The following CASZ1 variants were observed in gnomAD, a reference collection of about 807,000 sequenced individuals.
The protein encoded by CASZ1 is castor zinc finger 1.
Under a neutral mutation model 135.2 loss-of-function variants are expected in CASZ1, and 28 were observed. The ratio of observed to expected loss-of-function variants is 0.21; its 90% CI spans 0.15 to 0.28. The LOEUF is 0.28. CASZ1 is among the 10% of genes least tolerant of loss of function. CASZ1 has a pLI of 1.00. For missense variants in CASZ1, 2,161 were observed against 2,453.3 expected (o/e 0.88, Z 2.52); for synonymous variants, 1,068 against 1,073.4 (o/e 0.99, Z 0.10).
At position 10,759,605 on chromosome 1, in the gene CASZ1, GC is replaced by G. The variant is rs1640325049; in HGVS notation, c.-77+1095del. ...TGGCCTGGATTCAGGCAGGTCTGCA[GC>G]TTCAGGGACCTACCAAACCCCAGTG... On this transcript the variant is annotated intron_variant, in intron 2 of 20. Coordinates refer to ENST00000377022, the MANE Select transcript of CASZ1 (RefSeq NM_001079843.3). The surrounding 1 kb of genome is among the most constrained non-coding windows in gnomAD (Gnocchi z 4.2). 6.6e-6 allele frequency among the ~76,000 whole-genome samples: 1 copy of G among 152,202 alleles called. No homozygotes were observed. The highest frequency in any genetic ancestry group is 2.1e-4 in the South Asian group (1 of 4,838).
chr1:10,639,005 G>A lies in CASZ1; in HGVS notation c.5217C>T (p.Ala1739=). 1 of 986,970 alleles carries A rather than the reference G, an allele frequency of 1.0e-6. No individual in the cohort carries two copies. The highest frequency in any genetic ancestry group is 1.2e-6 in the Non-Finnish European group (1 of 831,806). 61.1% of individuals were successfully genotyped at this position (986,970 alleles called of 1,614,324 possible). A position where few individuals can be genotyped will look rare whatever the true frequency, so the allele number is the denominator to read the frequency against. Residue 1739 remains alanine (A), a synonymous_variant, in exon 21 of 21, where the codon GCC becomes GCT. Coordinates refer to ENST00000377022, the MANE Select transcript of CASZ1 (RefSeq NM_001079843.3). This position sits in a 1 kb window ranked among gnomAD's most constrained non-coding sequence, Gnocchi z 4.0. ...CGCCCAGGGCCGCCAGCGCCGCCAA[G>A]GCCGGGGTCCGCGCGCCCGCGCCCG... ...EAAGAGARTP[A]LAALAALGAP... is the part of the protein sequence containing the mutation.
At chr1:10,787,101 C>A (rs776911) in intron 1 of CASZ1, among the ~76,000 whole-genome samples, 99,782 of 152,128 alleles carry the variant, frequency 0.66, 33,813 homozygotes, top group Non-Finnish European at 0.75. Flanking sequence ...AGCTAAGAGC[C>A]CAGCCAACCA....
chr1:10,644,800 A>T, intron 18 of CASZ1, 117 bp downstream of exon 18: 2 of 1,077,972 alleles, frequency 1.9e-6, no homozygotes, highest in South Asian at 3.0e-5. Flanking sequence ...CTTTAACAAA[A>T]CGTGGAGCCT....
chr1:10,703,956 G>T (rs1374860544), intron 3 of CASZ1, among the ~76,000 whole-genome samples: 1 of 152,222 alleles, frequency 6.6e-6, no homozygotes, highest in Non-Finnish European at 1.5e-5. Context: ...GGAAGCACTT[G>T]GGGCTGAATT....
intron 4 of CASZ1, among the ~76,000 whole-genome samples, chr1:10,665,838 A>AAATG (rs143666662): frequency 0.079 from 12,012 of 152,200 alleles, 723 homozygotes; most frequent in African/African-American, 0.16. Context: ...GTAAATGAAC[A>AAATG]AATGAATGAA....
intron 4 of CASZ1, among the ~76,000 whole-genome samples, chr1:10,688,661 C>T (rs952688124): frequency 2.6e-5 from 4 of 152,162 alleles, no homozygotes; most frequent in Non-Finnish European, 4.4e-5. Context: ...GCAGGAGAGC[C>T]TCCCATGCCT....
intron 4 of CASZ1, among the ~76,000 whole-genome samples, chr1:10,673,480 C>T (rs901098669): frequency 5.9e-5 from 9 of 152,056 alleles, no homozygotes; most frequent in Non-Finnish European, 7.4e-5. Flanking sequence ...CACACTCTCT[C>T]GCACTCTTGT....
intron 2 of CASZ1, among the ~76,000 whole-genome samples, chr1:10,750,855 T>A (rs900248866): frequency 4.6e-5 from 7 of 152,090 alleles, no homozygotes; most frequent in African/African-American, 1.7e-4. Flanking sequence ...GCCAAGATGG[T>A]GCCACTGCAC....
chr1:10,768,111 T>C (rs1640510476), intron 1 of CASZ1, among the ~76,000 whole-genome samples: 1 of 152,218 alleles, frequency 6.6e-6, no homozygotes. Flanking sequence ...GTGCTTCCCA[T>C]GAGGCAGGCC....
intron 2 of CASZ1, among the ~76,000 whole-genome samples, chr1:10,728,021 G>A (rs1419549523): frequency 1.3e-5 from 2 of 152,176 alleles, no homozygotes; most frequent in Admixed American, 6.5e-5. Flanking sequence ...TCCTACCACC[G>A]CCTATGCTCC....
At chr1:10,669,196 T>A (rs779257605) in intron 4 of CASZ1, among the ~76,000 whole-genome samples, 4 of 152,148 alleles carry the variant, frequency 2.6e-5, no homozygotes, top group Non-Finnish European at 2.9e-5. Context: ...AGGAGGAGGC[T>A]GTAGACACTC....
rs767524559 is a variant in CASZ1, at chr1:10,739,208, G to C, written c.-77+21493C>G. Among the ~76,000 whole-genome samples, 2 of 152,164 alleles carry C rather than the reference G, an allele frequency of 1.3e-5. No individual in the cohort carries two copies. Among genetic ancestry groups the C allele is most frequent in the East Asian group, 1.9e-4 (1 of 5,186 alleles). ...GGCGGCCAGTCCCCGGGCGTACAGC[G>C]TGCGGTGCAACCTGCAGCTGCGGGA... is the stretch of plus-strand genomic sequence containing the variant. On this transcript the variant is annotated intron_variant, in intron 2 of 20. Transcript: ENST00000377022. The surrounding 1 kb of genome is among the most constrained non-coding windows in gnomAD (Gnocchi z 4.8).
At chr1:10,664,311 G>C (rs1188504118) in intron 5 of CASZ1, among the ~76,000 whole-genome samples, 1 of 152,074 alleles carries the variant, frequency 6.6e-6, no homozygotes, top group Non-Finnish European at 1.5e-5. Context: ...CTGTGGTCCT[G>C]GCGACCCCCT....
chr1:10,744,783 G>A (rs1181074363), intron 2 of CASZ1, among the ~76,000 whole-genome samples: 1 of 152,134 alleles, frequency 6.6e-6, no homozygotes, highest in Non-Finnish European at 1.5e-5. Flanking sequence ...TGTCTGGGTA[G>A]CCAGCGAGAG....
At chr1:10,791,813 A>T (rs1640961438) in intron 1 of CASZ1, among the ~76,000 whole-genome samples, 1 of 152,160 alleles carries the variant, frequency 6.6e-6, no homozygotes, top group Non-Finnish European at 1.5e-5. Flanking sequence ...CAGAGGAAAA[A>T]AAAGAAAGTC....
intron 4 of CASZ1, among the ~76,000 whole-genome samples, chr1:10,684,197 G>T (rs1314059030): frequency 6.6e-6 from 1 of 152,232 alleles, no homozygotes; most frequent in East Asian, 1.9e-4. Context: ...GAGGGGCTTG[G>T]GGGTGGGGGT....
intron 1 of CASZ1, among the ~76,000 whole-genome samples, chr1:10,785,872 C>A (rs548730408): frequency 6.6e-6 from 1 of 152,352 alleles, no homozygotes; most frequent in African/African-American, 2.4e-5. Context: ...GGAACCCCAG[C>A]AAATGTCAGC....
At chr1:10,773,269 C>A (rs1009164489) in intron 1 of CASZ1, among the ~76,000 whole-genome samples, 2 of 152,132 alleles carry the variant, frequency 1.3e-5, no homozygotes, top group Admixed American at 6.5e-5. Flanking sequence ...ATACCTTATC[C>A]CAGCTGTCTG....
rs1206272863 is a variant in CASZ1 at position 10,724,018 on chromosome 1, A to G, written c.-76-18474T>C. On this transcript the variant is annotated intron_variant, in intron 2 of 20. Coordinates refer to ENST00000377022, the MANE Select transcript of CASZ1 (RefSeq NM_001079843.3). This position sits in a 1 kb window ranked among gnomAD's most constrained non-coding sequence, Gnocchi z 4.1. ...CCGCTAGCACCTGCCCCAGCCTCCCATATCACTTTGGATTCCTGGTGAGGA... is the reference window on the plus strand; with the variant it reads ...CCGCTAGCACCTGCCCCAGCCTCCCGTATCACTTTGGATTCCTGGTGAGGA... 6.6e-6 allele frequency among the ~76,000 whole-genome samples: 1 copy of G among 152,136 alleles called. No individual in the cohort carries two copies. Among genetic ancestry groups the G allele is most frequent in the African/African-American group, 2.4e-5 (1 of 41,426 alleles).
Sources: allele counts gnomAD v4.1 joint callset (sites outside exome capture counted in the v4.1 genomes callset), GRCh38; gene constraint gnomAD v4.1.1; non-coding constraint Gnocchi (gnomAD v3.1); transcripts MANE v1.5; gene names NCBI Gene and HGNC (gene_info 2026-07-23, HGNC 2026-07-21).